Variants in CD8A observed in about 807,000 individuals in gnomAD.
CD8A encodes the protein T-cell surface glycoprotein CD8 alpha chain.
Under a neutral mutation model 24.2 loss-of-function variants are expected in CD8A, and 25 were observed. That is an observed-to-expected ratio of 1.03 (90% confidence interval 0.75 to 1.44). The LOEUF (loss-of-function observed/expected upper bound fraction) is 1.44, where lower values mean the gene tolerates loss of function less well. Among genes scored for constraint, CD8A ranks in the 40% most tolerant of loss-of-function variants. The probability of loss-of-function intolerance (pLI) is 0.00; values close to 1 mark genes in which losing one functional copy is unlikely to be tolerated. For missense variants in CD8A, 360 were observed against 319.7 expected (o/e 1.13, Z -0.96); for synonymous variants, 165 against 149.9 (o/e 1.10, Z -0.74).
At chr2:86,796,561 C>T (rs1489255353) in intron 3 of CD8A, among the ~76,000 whole-genome samples, 1 of 152,160 alleles carries the variant, frequency 6.6e-6, no homozygotes, top group East Asian at 1.9e-4. Flanking sequence ...TTGGTTACAC[C>T]TTGCATTGAC....
At position 86,789,759 on chromosome 2, in the gene CD8A, G is replaced by T. The variant is rs1454807843; in HGVS notation, c.404-9C>A. The T allele has an allele frequency of 7.4e-7, 1 of 1,346,804 alleles. No individual in the cohort carries two copies. Among genetic ancestry groups the T allele is most frequent in the Non-Finnish European group, 9.5e-7 (1 of 1,054,770 alleles). The allele number at this position is 1,346,804 out of a possible 1,614,324, so 83.4% of individuals were successfully genotyped here. The stretch of plus-strand genomic sequence containing the variant: ...CGTCGTGGTGGGCTTCGCTGCAAGA[G>T]CAACAGAGCGTGGTTGGGGGCCAGG... On this transcript the variant is annotated splice_polypyrimidine_tract_variant and intron_variant, in intron 2 of 5. Transcript: ENST00000283635.
At chr2:86,806,977 G>T (rs781765321) in intron 2 of CD8A, among the ~76,000 whole-genome samples, 25 of 152,016 alleles carry the variant, frequency 1.6e-4, no homozygotes, top group Middle Eastern at 3.4e-3. Flanking sequence ...GCCTTTTTAA[G>T]ATGCAGTTTA....
upstream of CD8A, among the ~76,000 whole-genome samples, chr2:86,793,433 T>C (rs1673376591): frequency 6.6e-6 from 1 of 152,176 alleles, no homozygotes; most frequent in Admixed American, 6.5e-5. Context: ...TGTGTGTGTG[T>C]GCATGGTATG....
chr2:86,795,837 G>A (rs1673465166), upstream of CD8A, among the ~76,000 whole-genome samples: 1 of 151,950 alleles, frequency 6.6e-6, no homozygotes, highest in Non-Finnish European at 1.5e-5. Flanking sequence ...GGAAAAGAGA[G>A]AGTAAAGAGA....
At chr2:86,789,780 C>T in intron 2 of CD8A, 30 bp from the exon 3 acceptor site, 2 of 1,291,552 alleles carry the variant, frequency 1.5e-6, no homozygotes, top group Middle Eastern at 2.0e-4. Context: ...TGGTTGGGGG[C>T]CAGGCTGGGG....
intron 2 of CD8A, chr2:86,801,688 G>C (rs1426950332): frequency 6.6e-6 from 1 of 152,046 alleles, no homozygotes; most frequent in Non-Finnish European, 1.5e-5. Flanking sequence ...AAAGTTAAAA[G>C]ATTTAGTGAT....
intron 1 of CD8A, chr2:86,807,996 T>G (rs969275567): frequency 6.6e-6 from 1 of 152,258 alleles, no homozygotes; most frequent in Non-Finnish European, 1.5e-5. Flanking sequence ...AGTAAGGCGG[T>G]GGATCTTGCA....
chr2:86,800,464 A>T (rs1045598278), intron 3 of CD8A, among the ~76,000 whole-genome samples: 25 of 151,322 alleles, frequency 1.7e-4, no homozygotes, highest in African/African-American at 5.1e-4. Flanking sequence ...AAAAAGAAAG[A>T]AAAAAAAAGA....
At chr2:86,791,234 T>G (rs1573462977), upstream of CD8A, 3 of 393,982 alleles carry the variant, frequency 7.6e-6, no homozygotes, top group East Asian at 6.1e-5. Context: ...GAGGGGAGTG[T>G]CCCTTCCTTT....
chr2:86,799,779 C>A (rs1472718901), intron 3 of CD8A, among the ~76,000 whole-genome samples: 1 of 151,722 alleles, frequency 6.6e-6, no homozygotes, highest in Non-Finnish European at 1.5e-5. Context: ...AGAAAAGAGT[C>A]ATCTGGGAGG....
At chr2:86,794,627 C>T (rs1255636704), upstream of CD8A, among the ~76,000 whole-genome samples, 3 of 152,140 alleles carry the variant, frequency 2.0e-5, no homozygotes, top group African/African-American at 2.4e-5. Context: ...TCCTTCTTTC[C>T]TGGACTTTTG....
At chr2:86,787,064 A>G (rs1673045743) in intron 5 of CD8A, among the ~76,000 whole-genome samples, 1 of 134,494 alleles carries the variant, frequency 7.4e-6, no homozygotes, top group African/African-American at 2.7e-5. Flanking sequence ...AAGAAAAGCT[A>G]AAAACTTCCC....
rs371230524 is a variant in CD8A, at chr2:86,786,746, T to C, written c.657-775A>G. Reference sequence around the variant, plus strand: ...ATAAAAATGCTAAAAACTGGCCGGGTGCGGTAGCTCACGCCTATAATCCCA... The same window carrying C: ...ATAAAAATGCTAAAAACTGGCCGGGCGCGGTAGCTCACGCCTATAATCCCA... On this transcript the variant is annotated intron_variant, in intron 5 of 5. Coordinates refer to ENST00000283635, the MANE Select transcript of CD8A (RefSeq NM_001768.7). Among the ~76,000 whole-genome samples, 9 of 152,080 alleles carry C rather than the reference T, an allele frequency of 5.9e-5. No homozygotes were observed. In the South Asian group the frequency reaches 8.3e-4, roughly 14 times the overall value.
At chr2:86,804,677 C>T (rs1673781848) in intron 2 of CD8A, among the ~76,000 whole-genome samples, 1 of 151,938 alleles carries the variant, frequency 6.6e-6, no homozygotes, top group African/African-American at 2.4e-5. Flanking sequence ...GTGATAACAG[C>T]TCACTGCAGC....
intron 4 of CD8A, among the ~76,000 whole-genome samples, chr2:86,789,079 A>G (rs1673146848): frequency 6.6e-6 from 1 of 152,160 alleles, no homozygotes; most frequent in Non-Finnish European, 1.5e-5. Flanking sequence ...TCGACGGAAC[A>G]CACCCGCTGC....
At chr2:86,791,028 G>A, upstream of CD8A, 1 of 718,882 alleles carries the variant, frequency 1.4e-6, no homozygotes, top group Non-Finnish European at 2.5e-6. Context: ...CCAGCCCGGC[G>A]AGGAGGCTGG....
In CD8A at chr2:86,790,907, G is replaced by A. The variant is rs1673276790; in HGVS notation, c.-82C>T. Reference sequence around the variant, plus strand: ...GGGAGCCGGTGGGGCGCCGAGGGGGGAAAGTTGCGCCCTTCGGCCGGCCCG... The same window carrying A: ...GGGAGCCGGTGGGGCGCCGAGGGGGAAAAGTTGCGCCCTTCGGCCGGCCCG... On this transcript the variant is annotated 5_prime_UTR_variant, in exon 1 of 6. Transcript: ENST00000283635. 1 of 1,343,834 alleles carries A rather than the reference G, an allele frequency of 7.4e-7. No homozygotes were observed. The allele number at this position is 1,343,834 out of a possible 1,614,324, so 83.2% of individuals were successfully genotyped here.
upstream of CD8A, chr2:86,791,567 C>T (rs956921544): frequency 2.2e-6 from 1 of 454,092 alleles, no homozygotes; most frequent in Non-Finnish European, 4.4e-6. Flanking sequence ...ACACCAGTCT[C>T]TCTCCTGATC....
rs560870102 is a variant in CD8A at position 86,788,211 on chromosome 2, C to G, written c.656+319G>C. ...AGAATAAAGAGGAGGTCAGGTCCTA[C>G]GAGGAGCTAGGATAAATTGGGGGAA... On this transcript the variant is annotated intron_variant, in intron 5 of 5. Transcript: ENST00000283635. Among the ~76,000 whole-genome samples, 420 of 147,936 alleles carry G rather than the reference C, an allele frequency of 2.8e-3. 2 individuals carry two copies. The highest frequency in any genetic ancestry group is 9.6e-3 in the African/African-American group (387 of 40,150).
Sources: gnomAD v4.1 joint callset for allele counts (sites outside exome capture counted in the v4.1 genomes callset) on GRCh38, gnomAD v4.1.1 for gene constraint, MANE v1.5 for transcripts, NCBI Gene and HGNC (gene_info 2026-07-23, HGNC 2026-07-21) for gene names.